Variants in INPP5F observed in about 807,000 individuals in gnomAD.
INPP5F encodes inositol polyphosphate-5-phosphatase F, also known as phosphatidylinositide 4-phosphatase SAC2.
Under a neutral mutation model 137.2 loss-of-function variants are expected in INPP5F, and 97 were observed. That is an observed-to-expected ratio of 0.71 (90% CI 0.60 to 0.84). The LOEUF (loss-of-function observed/expected upper bound fraction) is 0.84. INPP5F is among the 40% of genes least tolerant of loss of function. INPP5F has a pLI of 0.00. For synonymous variants in INPP5F, 504 were observed against 476.9 expected, an observed-to-expected ratio of 1.06 and a Z score of -0.74; for missense variants, 1,271 against 1,371.9, an observed-to-expected ratio of 0.93 and a Z score of 1.16.
Position 119,819,596 on chromosome 10 carries a change from A to G in INPP5F, c.1887-1250A>G, listed in dbSNP as rs1203185299. 3 of 1,411,990 alleles carry G rather than the reference A, an allele frequency of 2.1e-6. No homozygotes were observed. The East Asian group carries it at 7.3e-5, about 34-fold the overall frequency. 87.5% of individuals were successfully genotyped at this position (1,411,990 alleles called of 1,614,324 possible). A position where few individuals can be genotyped will look rare whatever the true frequency, so the allele number is the denominator to read the frequency against. On this transcript the variant is annotated intron_variant, in intron 15 of 19. Transcript: ENST00000650623. ...ACAGTGTTATTTGGTATTATTCTCT[A>G]TGAAGCTGTCTGGATCGGTCTCCTT...
At chr10:119,736,712 A>G (rs1453162386) in intron 1 of INPP5F, among the ~76,000 whole-genome samples, 2 of 152,194 alleles carry the variant, frequency 1.3e-5, no homozygotes, top group African/African-American at 4.8e-5. Flanking sequence ...AGAATCAACA[A>G]TTTTGTGTTT....
At chr10:119,763,456 C>A (rs1156997444) in intron 2 of INPP5F, among the ~76,000 whole-genome samples, 1 of 152,238 alleles carries the variant, frequency 6.6e-6, no homozygotes, top group East Asian at 1.9e-4. Context: ...GCTTGTTCTG[C>A]CTTTGTCTTG....
At chr10:119,761,759 C>T (rs1032173412) in intron 2 of INPP5F, among the ~76,000 whole-genome samples, 3 of 152,138 alleles carry the variant, frequency 2.0e-5, no homozygotes, top group South Asian at 2.1e-4. Flanking sequence ...ATAGCTTCTG[C>T]AGCAGATACC....
chr10:119,827,091 C>T lies in INPP5F; in HGVS notation c.2710C>T (p.Arg904Trp), dbSNP rs554637418. 26 of 1,614,130 alleles carry T rather than the reference C, an allele frequency of 1.6e-5. No homozygotes were observed. Among genetic ancestry groups the T allele is most frequent in the African/African-American group, 4.0e-5 (3 of 75,058 alleles). ...IIASAPRLGS[R>W]SQSLSSTDSS... The stretch of plus-strand genomic sequence containing the variant: ...TGCCTCAGCGCCTCGATTGGGCAGT[C>T]GGTCCCAGTCTCTTAGCAGCACAGA... The change falls in exon 20 of 20, where the codon CGG (arginine) becomes TGG (tryptophan). Residue 904 changes from arginine to tryptophan, a missense_variant. By Grantham distance (101) the Arg-to-Trp change is moderately radical. Around this residue, in one of 6 missense-constraint regions of INPP5F, gnomAD observed 490 missense variants for 443.7 expected, o/e 1.10. Coordinates refer to ENST00000650623, the MANE Select transcript of INPP5F (RefSeq NM_014937.4).
At chr10:119,814,041 A>G (rs750344795) in intron 15 of INPP5F, among the ~76,000 whole-genome samples, 3 of 152,024 alleles carry the variant, frequency 2.0e-5, no homozygotes, top group Non-Finnish European at 4.4e-5. Flanking sequence ...AGCACTATAG[A>G]ATTTGACTTC....
intron 1 of INPP5F, among the ~76,000 whole-genome samples, chr10:119,736,579 T>A (rs1174871668): frequency 6.6e-6 from 1 of 152,242 alleles, no homozygotes; most frequent in Admixed American, 6.5e-5. Flanking sequence ...TAGGCTGAAA[T>A]GTCCTAATTA....
rs1228591987 is a variant in INPP5F at position 119,796,918 on chromosome 10, G to A, written c.868+5G>A. The A allele has an allele frequency of 1.9e-6, 3 of 1,611,662 alleles. No homozygotes were observed. Among genetic ancestry groups the A allele is most frequent in the African/African-American group, 2.7e-5 (2 of 75,004 alleles). ...GCCGAAGTAGGCACAGAGCAGGTGAGTGGAGGGCTGTAATAGCATTCAAAT... is the reference window on the plus strand; with the variant it reads ...GCCGAAGTAGGCACAGAGCAGGTGAATGGAGGGCTGTAATAGCATTCAAAT... On this transcript the variant is annotated splice_donor_5th_base_variant and intron_variant, in intron 7 of 19. Coordinates refer to ENST00000650623, the MANE Select transcript of INPP5F (RefSeq NM_014937.4).
At chr10:119,783,085 T>C (rs367836824) in intron 3 of INPP5F, among the ~76,000 whole-genome samples, 13 of 152,242 alleles carry the variant, frequency 8.5e-5, no homozygotes, top group Admixed American at 5.9e-4. Context: ...TTGGTACTTA[T>C]GCTAGAACAC....
At chr10:119,826,167 A>T (rs1004134806) in intron 19 of INPP5F, 9 of 397,402 alleles carry the variant, frequency 2.3e-5, no homozygotes, top group Admixed American at 1.3e-4. Flanking sequence ...TGCTGATTGT[A>T]CAGATGGTGG....
intron 9 of INPP5F, among the ~76,000 whole-genome samples, chr10:119,800,155 T>G (rs1850530445): frequency 6.6e-6 from 1 of 151,968 alleles, no homozygotes; most frequent in African/African-American, 2.4e-5. Context: ...AATAAAAAAC[T>G]TGTATTTGTT....
intron 9 of INPP5F, among the ~76,000 whole-genome samples, chr10:119,802,248 CTG>C (rs34659287): frequency 0.047 from 7,164 of 152,206 alleles, 300 homozygotes; most frequent in South Asian, 0.25. Flanking sequence ...TCTCTCAAGA[CTG>C]TGAAGGAACC....
intron 2 of INPP5F, among the ~76,000 whole-genome samples, chr10:119,756,407 G>A (rs932326928): frequency 2.6e-5 from 4 of 152,016 alleles, no homozygotes; most frequent in Non-Finnish European, 5.9e-5. Flanking sequence ...AGGTCGAGGC[G>A]GGTGGATTGC....
In INPP5F at chr10:119,826,650, G is replaced by GA. The variant is rs1851770947; in HGVS notation, c.2271dup (p.Asp758ArgfsTer53). ...TTGTAGGAAGAGCAGTAAACCTCACGAAGACATCATTGGTATCAGGTCTCA... is the reference window on the plus strand; with the variant it reads ...TTGTAGGAAGAGCAGTAAACCTCACGAAAGACATCATTGGTATCAGGTCTCA... On this transcript the variant is annotated frameshift_variant, in exon 20 of 20. Transcript: ENST00000650623. LOFTEE classifies it high-confidence loss of function. 1 of 1,587,428 alleles carries GA rather than the reference G, an allele frequency of 6.3e-7. No individual in the cohort carries two copies. Among genetic ancestry groups the GA allele is most frequent in the Non-Finnish European group, 8.5e-7 (1 of 1,171,500 alleles).
At chr10:119,801,051 CAT>C (rs1441518156) in intron 9 of INPP5F, among the ~76,000 whole-genome samples, 1 of 150,524 alleles carries the variant, frequency 6.6e-6, no homozygotes, top group African/African-American at 2.4e-5. Flanking sequence ...CTGAGAGAAA[CAT>C]ATTCAGTCAA....
Position 119,828,417 on chromosome 10 carries a change from G to C in INPP5F, c.*637G>C, listed in dbSNP as rs940423483. 6 of 152,256 alleles carry C rather than the reference G, an allele frequency of 3.9e-5. No individual in the cohort carries two copies. The highest frequency in any genetic ancestry group is 1.4e-4 in the African/African-American group (6 of 41,520). The allele number at this position is 152,256 out of a possible 1,614,324, so 9.4% of individuals were successfully genotyped here. A position where few individuals can be genotyped will look rare whatever the true frequency, so the allele number is the denominator to read the frequency against. On this transcript the variant is annotated 3_prime_UTR_variant, in exon 20 of 20. Coordinates refer to ENST00000650623, the MANE Select transcript of INPP5F (RefSeq NM_014937.4). ...TGTAAACCTAGGAGCATTAAGACTT[G>C]TCACACAGTAAACCTGATACATCAG... is the stretch of plus-strand genomic sequence containing the variant.
rs763053294 is a variant in INPP5F, at chr10:119,826,690, T to C, written c.2309T>C (p.Leu770Ser). Reference protein sequence around the residue: ...IGIRSQNQGSLAQGKNFLMSK... With the variant: ...IGIRSQNQGSSAQGKNFLMSK... ...ATCAGGTCTCAAAACCAAGGTTCTT[T>C]GGCCCAGGGAAAGAATTTTTTAATG... The change falls in exon 20 of 20, where the codon TTG becomes TCG. Residue 770 changes from leucine to serine, a missense_variant. Leu to Ser is a moderately radical substitution (Grantham distance 145, BLOSUM62 -2). Transcript: ENST00000650623. The C allele has an allele frequency of 6.2e-7, 1 of 1,611,648 alleles. No homozygotes were observed. Among genetic ancestry groups the C allele is most frequent in the Non-Finnish European group, 8.5e-7 (1 of 1,179,446 alleles).
In INPP5F at chr10:119,804,219, G is replaced by T. The variant is rs1395108491; in HGVS notation, c.1163G>T (p.Gly388Val). 1 of 1,611,504 alleles carries T rather than the reference G, an allele frequency of 6.2e-7. No individual in the cohort carries two copies. The highest frequency in any genetic ancestry group is 1.1e-5 in the South Asian group (1 of 90,918). Residue 388 changes from glycine (G) to valine (V), a missense_variant, in exon 10 of 20, where the codon GGC becomes GTC. Gly to Val is a moderately radical substitution (Grantham distance 109). Transcript: ENST00000650623. ...CAGGCAGGAAGAGAGAAGATTATTG[G>T]CGATGCTTACCTGAAGCAAGTGTTG... Reference protein sequence around the residue: ...VDQAGREKIIGDAYLKQVLLF... With the variant: ...VDQAGREKIIVDAYLKQVLLF...
At chr10:119,730,569 A>C (rs1219138510) in intron 1 of INPP5F, among the ~76,000 whole-genome samples, 1 of 152,234 alleles carries the variant, frequency 6.6e-6, no homozygotes, top group Non-Finnish European at 1.5e-5. Flanking sequence ...ATATGGTCTT[A>C]TCTCTTTGGT....
At chr10:119,757,288 G>A (rs908205242) in intron 2 of INPP5F, among the ~76,000 whole-genome samples, 8 of 151,346 alleles carry the variant, frequency 5.3e-5, no homozygotes, top group Non-Finnish European at 1.0e-4. Flanking sequence ...GACTGGTCTC[G>A]AACTCCTGAC....
Sources: gnomAD v4.1 joint callset for allele counts (sites outside exome capture counted in the v4.1 genomes callset) on GRCh38, gnomAD v4.1.1 for gene constraint, gnomAD v4.1.1 regional missense constraint, MANE v1.5 for transcripts, NCBI Gene and HGNC (gene_info 2026-07-23, HGNC 2026-07-21) for gene names.